Variants in XYLT1 observed in about 807,000 individuals in gnomAD.
The protein encoded by XYLT1 is beta-D-xylosyltransferase 1.
In XYLT1, 36 loss-of-function variants were observed where a neutral mutation model predicts 91.3. The observed-to-expected ratio is 0.39, with a 90% CI of 0.30 to 0.52. The LOEUF (loss-of-function observed/expected upper bound fraction) is 0.52. Ranked by LOEUF, XYLT1 falls within the 20% of genes least tolerant of loss-of-function variation. The pLI, the probability that XYLT1 is intolerant of heterozygous loss-of-function variation, is 0.68. For synonymous variants in XYLT1, 588 were observed against 532.0 expected (o/e 1.11, Z -1.45); for missense variants, 1,242 against 1,284.5 (o/e 0.97, Z 0.51).
chr16:17,293,491 CTTTTTTTTTTTT>C (rs548581536), intron 2 of XYLT1, among the ~76,000 whole-genome samples: 38,374 of 119,352 alleles, frequency 0.32, 5,757 homozygotes, highest in African/African-American at 0.42. Flanking sequence ...TTTCTCCCTC[CTTTTTTTTTTTT>C]TTTTTTTTTT....
rs191695818 is a variant in XYLT1 at position 17,270,569 on chromosome 16, G to A, written c.403-11071C>T. Among the ~76,000 whole-genome samples, 27 of 152,316 alleles carry A rather than the reference G, an allele frequency of 1.8e-4. No homozygotes were observed. The East Asian group carries it at 4.4e-3, about 25-fold the overall frequency. On this transcript the variant is annotated intron_variant, in intron 2 of 11. Coordinates refer to ENST00000261381, the MANE Select transcript of XYLT1 (RefSeq NM_022166.4). ...AAATAATGGCAGAGGAGAAAAAGACGAAAAGGAAGGAAATGCAAGAGAAAA... is the reference window on the plus strand; with the variant it reads ...AAATAATGGCAGAGGAGAAAAAGACAAAAAGGAAGGAAATGCAAGAGAAAA...
chr16:17,271,079 C>T (rs187208716), intron 2 of XYLT1, among the ~76,000 whole-genome samples: 26 of 152,264 alleles, frequency 1.7e-4, no homozygotes, highest in Admixed American at 1.4e-3. Context: ...ATGACAACAA[C>T]CATGTCTGTT....
At position 17,259,473 on chromosome 16, in the gene XYLT1, T is replaced by A; in HGVS notation, c.428A>T (p.Lys143Ile). The change falls in exon 3 of 12, where the codon AAA becomes ATA. Residue 143 changes from lysine to isoleucine, a missense_variant. Physicochemically the swap from Lys to Ile is moderately radical, Grantham distance 102. Transcript: ENST00000261381. ...TQDGYFSHRP[K>I]EKVRTDSNNE... ...GTTGCTGTCTGTTCGCACTTTCTCT[T>A]TCGGCCGATGAGAAAAGTAGCCATC... 1 of 1,609,826 alleles carries A rather than the reference T, an allele frequency of 6.2e-7. No homozygotes were observed. Among genetic ancestry groups the A allele is most frequent in the South Asian group, 1.1e-5 (1 of 91,046 alleles).
chr16:17,255,458 A>G (rs148751997), intron 3 of XYLT1, among the ~76,000 whole-genome samples: 1 of 152,314 alleles, frequency 6.6e-6, no homozygotes, highest in Admixed American at 6.5e-5. Flanking sequence ...TTCACAGAAC[A>G]AATGTGCTGT....
chr16:17,276,728 C>A (rs927673937), intron 2 of XYLT1, among the ~76,000 whole-genome samples: 6 of 152,114 alleles, frequency 3.9e-5, no homozygotes, highest in Admixed American at 3.9e-4. Flanking sequence ...TGGGCACCGT[C>A]CGATGAAGTT....
chr16:17,135,448 G>A (rs1184784575), intron 8 of XYLT1, among the ~76,000 whole-genome samples: 4 of 152,094 alleles, frequency 2.6e-5, no homozygotes, highest in South Asian at 4.1e-4. Context: ...CTTGAACCTA[G>A]GAGGTGGAGG....
intron 5 of XYLT1, among the ~76,000 whole-genome samples, chr16:17,180,466 TGTTTGTGCCCCTGGCTCG>T (rs2032043532): frequency 6.6e-6 from 1 of 152,108 alleles, no homozygotes; most frequent in African/African-American, 2.4e-5. Context: ...AGGGTGGCAA[TGTTTGTGCCCCTGGCTCG>T]GTTTGCCAAG....
chr16:17,185,581 C>T lies in XYLT1; in HGVS notation c.1289+12631G>A, dbSNP rs147157153. Among the ~76,000 whole-genome samples the T allele has an allele frequency of 6.0e-3, 916 of 152,348 alleles. 11 individuals carry two copies. The highest frequency in any genetic ancestry group is 0.021 in the African/African-American group (867 of 41,574). ...ACGAAGTACTGAGGCTAACATTTTCCAACACAGCATGTAGCTTCTATTTAT... is the reference window on the plus strand; with the variant it reads ...ACGAAGTACTGAGGCTAACATTTTCTAACACAGCATGTAGCTTCTATTTAT... On this transcript the variant is annotated intron_variant, in intron 5 of 11. Transcript: ENST00000261381.
At chr16:17,409,165 A>T (rs1310949943) in intron 1 of XYLT1, among the ~76,000 whole-genome samples, 1 of 152,204 alleles carries the variant, frequency 6.6e-6, no homozygotes, top group Non-Finnish European at 1.5e-5. Context: ...TCCTCCTTCG[A>T]CGCTAGAAAG....
At chr16:17,336,823 G>GAAAC (rs1162403994) in intron 2 of XYLT1, among the ~76,000 whole-genome samples, 2 of 152,190 alleles carry the variant, frequency 1.3e-5, no homozygotes, top group Admixed American at 6.5e-5. Flanking sequence ...TCAGGGGCCA[G>GAAAC]AAACCCTGAT....
chr16:17,304,451 G>A (rs1308947876), intron 2 of XYLT1, among the ~76,000 whole-genome samples: 2 of 145,766 alleles, frequency 1.4e-5, no homozygotes, highest in Non-Finnish European at 3.0e-5. Context: ...GTATAAGCAT[G>A]CTGCGAAAAA....
At chr16:17,279,088 CG>C (rs1328503405) in intron 2 of XYLT1, among the ~76,000 whole-genome samples, 1 of 152,208 alleles carries the variant, frequency 6.6e-6, no homozygotes, top group Non-Finnish European at 1.5e-5. Context: ...CACCTTTCAG[CG>C]TTGCTACTGG....
In XYLT1 at chr16:17,326,198, TTAAGTA is replaced by T. The variant is rs538351977; in HGVS notation, c.402+31808_402+31813del. Among the ~76,000 whole-genome samples the T allele has an allele frequency of 1.8e-3, 268 of 152,296 alleles. 2 individuals are homozygous for T. The highest frequency in any genetic ancestry group is 3.1e-3 in the Non-Finnish European group (213 of 68,028). ...CATGAGATCTACTCTCAATACATTT[TTAAGTA>T]TACAATGCAGTATTGTTAACTACAG... On this transcript the variant is annotated intron_variant, in intron 2 of 11. Coordinates refer to ENST00000261381, the MANE Select transcript of XYLT1 (RefSeq NM_022166.4).
rs71137985 is a variant in XYLT1 at position 17,375,481 on chromosome 16, AAC to A, written c.364-17433_364-17432del. Among the ~76,000 whole-genome samples, 172 of 147,428 alleles carry A rather than the reference AAC, an allele frequency of 1.2e-3. 1 individual carries two copies. The highest frequency in any genetic ancestry group is 2.0e-3 in the Non-Finnish European group (132 of 67,124). ...GTTTCTTGTTCAAGATAACATTTAA[AAC>A]ACACACACACACACACACACAGAAA... is the stretch of plus-strand genomic sequence containing the variant. On this transcript the variant is annotated intron_variant, in intron 1 of 11. Transcript: ENST00000261381.
chr16:17,204,636 G>T (rs1338011107), intron 3 of XYLT1, among the ~76,000 whole-genome samples: 1 of 152,158 alleles, frequency 6.6e-6, no homozygotes, highest in Non-Finnish European at 1.5e-5. Flanking sequence ...CAATTTCTGT[G>T]CATGATTTTA....
Position 17,138,544 on chromosome 16 carries a change from G to C in XYLT1, c.1588-13C>G, listed in dbSNP as rs781196541. ...TATGGAAGAAGGACTGCAGGGGAGA[G>C]AGGGACCCAGCCTGAGACCTCTCCC... On this transcript the variant is annotated splice_polypyrimidine_tract_variant and intron_variant, in intron 7 of 11. Coordinates refer to ENST00000261381, the MANE Select transcript of XYLT1 (RefSeq NM_022166.4). 1.2e-6 allele frequency: 2 copies of C among 1,611,360 alleles called. No homozygotes were observed. The highest frequency in any genetic ancestry group is 2.2e-5 in the South Asian group (2 of 91,034).
chr16:17,372,678 A>C (rs1015607095), intron 1 of XYLT1, among the ~76,000 whole-genome samples: 8 of 152,230 alleles, frequency 5.3e-5, no homozygotes, highest in Non-Finnish European at 8.8e-5. Flanking sequence ...TTCAGCATAG[A>C]ATAGTGGCTA....
At chr16:17,467,423 A>T (rs1355819330) in intron 1 of XYLT1, among the ~76,000 whole-genome samples, 1 of 152,180 alleles carries the variant, frequency 6.6e-6, no homozygotes. Flanking sequence ...TGTTTCTTAA[A>T]TTCTGAGATG....
chr16:17,149,456 T>C (rs1377546862), intron 6 of XYLT1, among the ~76,000 whole-genome samples: 1 of 151,904 alleles, frequency 6.6e-6, no homozygotes, highest in Non-Finnish European at 1.5e-5. Flanking sequence ...AAAAATAAAA[T>C]CTCCCCCTTT....
Sources: gnomAD v4.1 joint callset for allele counts (sites outside exome capture counted in the v4.1 genomes callset) on GRCh38, gnomAD v4.1.1 for gene constraint, MANE v1.5 for transcripts, NCBI Gene and HGNC (gene_info 2026-07-23, HGNC 2026-07-21) for gene names.